SLC41A2: variants seen among roughly 807,000 people sequenced by gnomAD.
SLC41A2 encodes solute carrier family 41 member 2.
In SLC41A2, 32 loss-of-function variants were observed where a neutral mutation model predicts 58.3. The observed-to-expected ratio is 0.55, with a 90% confidence interval of 0.41 to 0.74. The LOEUF is 0.74. Among genes scored for constraint, SLC41A2 ranks in the 30% least tolerant of loss-of-function variants. SLC41A2 has a pLI of 0.00. For synonymous variants in SLC41A2, 190 were observed against 235.0 expected, an observed-to-expected ratio of 0.81 and a Z score of 1.75; for missense variants, 514 against 680.6, an observed-to-expected ratio of 0.76 and a Z score of 2.72.
chr12:104,920,156 A>G (rs1565901811), intron 2 of SLC41A2, among the ~76,000 whole-genome samples: 1 of 152,136 alleles, frequency 6.6e-6, no homozygotes, highest in Non-Finnish European at 1.5e-5. Context: ...TAGGTTGTCC[A>G]TTCTGTGGCA....
chr12:104,932,179 T>G lies in SLC41A2; in HGVS notation c.-167-3485A>C, dbSNP rs190098783. Among the ~76,000 whole-genome samples the G allele has an allele frequency of 9.3e-4, 142 of 152,346 alleles. 2 individuals are homozygous for G. Among genetic ancestry groups the G allele is most frequent in the African/African-American group, 3.3e-3 (139 of 41,578 alleles). On this transcript the variant is annotated intron_variant, in intron 1 of 10. Transcript: ENST00000258538. ...ACAAGGTCTATTATCTCCTTAATGA[T>G]TCCTTAAACTTTCTTCCTTTAACTA...
chr12:104,895,955 G>A (rs2045262322), intron 3 of SLC41A2, among the ~76,000 whole-genome samples: 2 of 152,224 alleles, frequency 1.3e-5, no homozygotes, highest in South Asian at 2.1e-4. Flanking sequence ...ATTGTTCTGT[G>A]AGCTAATTCA....
intron 1 of SLC41A2, among the ~76,000 whole-genome samples, chr12:104,930,860 C>T (rs188289945): frequency 1.1e-3 from 174 of 152,344 alleles, no homozygotes; most frequent in African/African-American, 4.1e-3. Flanking sequence ...ATGTGCAGAA[C>T]GTGGCTAAGC....
chr12:104,914,736 CTG>C (rs2046235890), intron 2 of SLC41A2, among the ~76,000 whole-genome samples: 2 of 152,206 alleles, frequency 1.3e-5, no homozygotes, highest in Admixed American at 1.3e-4. Flanking sequence ...CTACTACTTA[CTG>C]TGTGATTTGG....
At chr12:104,919,863 T>C (rs1201842922) in intron 2 of SLC41A2, among the ~76,000 whole-genome samples, 1 of 152,222 alleles carries the variant, frequency 6.6e-6, no homozygotes, top group Non-Finnish European at 1.5e-5. Context: ...ATGGATCATG[T>C]TTTTGGTGTC....
chr12:104,807,372 T>C (rs1452853142), intron 10 of SLC41A2, among the ~76,000 whole-genome samples: 1 of 152,196 alleles, frequency 6.6e-6, no homozygotes, highest in African/African-American at 2.4e-5. Context: ...GATCAGATAG[T>C]TGTAGATATG....
Position 104,848,951 on chromosome 12 carries a change from C to T in SLC41A2, c.1256-2977G>A, listed in dbSNP as rs556930036. Among the ~76,000 whole-genome samples, 27 of 151,848 alleles carry T rather than the reference C, an allele frequency of 1.8e-4. No individual in the cohort carries two copies. In the South Asian group the frequency reaches 5.6e-3, roughly 32 times the overall value. ...AATCTGACATATGACAAAGGAGGAA[C>T]TGCAAATCAATAAATAGTGCTATCG... On this transcript the variant is annotated intron_variant, in intron 8 of 10. Coordinates refer to ENST00000258538, the MANE Select transcript of SLC41A2 (RefSeq NM_001352171.3).
intron 4 of SLC41A2, among the ~76,000 whole-genome samples, chr12:104,893,623 T>C (rs573549997): frequency 6.6e-6 from 1 of 152,262 alleles, no homozygotes; most frequent in South Asian, 2.1e-4. Flanking sequence ...CATCAACAGA[T>C]GAATGGATAA....
At chr12:104,866,685 A>G (rs991627418) in intron 6 of SLC41A2, 106 bp from the exon 7 acceptor site, 1 of 854,490 alleles carries the variant, frequency 1.2e-6, no homozygotes, top group Non-Finnish European at 1.7e-6. Context: ...ACTATCAAAC[A>G]TATTAACATG....
rs574378113 is a variant in SLC41A2 at position 104,850,396 on chromosome 12, T to C, written c.1256-4422A>G. 9.8e-5 allele frequency among the ~76,000 whole-genome samples: 15 copies of C among 152,312 alleles called. 1 individual carries two copies. The highest frequency in any genetic ancestry group is 6.2e-4 in the South Asian group (3 of 4,826). The stretch of plus-strand genomic sequence containing the variant: ...TAATCTTGGGCATACATAAATATTA[T>C]ACTCAGAAATAAAGATTGAGTAATT... On this transcript the variant is annotated intron_variant, in intron 8 of 10. Transcript: ENST00000258538.
At chr12:104,812,742 G>A (rs1349467234) in intron 10 of SLC41A2, among the ~76,000 whole-genome samples, 1 of 152,062 alleles carries the variant, frequency 6.6e-6, no homozygotes, top group African/African-American at 2.4e-5. Flanking sequence ...AGACCAGGAA[G>A]GTGGAATGCT....
At chr12:104,813,895 CAAAGTGCTGGGATT>C (rs1481868737) in intron 10 of SLC41A2, among the ~76,000 whole-genome samples, 1 of 152,162 alleles carries the variant, frequency 6.6e-6, no homozygotes, top group Non-Finnish European at 1.5e-5. Context: ...CTTGGCCTCC[CAAAGTGCTGGGATT>C]ACAGGCTTGA....
chr12:104,911,204 T>C (rs73191782), intron 2 of SLC41A2, among the ~76,000 whole-genome samples: 1,877 of 152,298 alleles, frequency 0.012, 17 homozygotes, highest in Non-Finnish European at 0.02. Flanking sequence ...CTTACATGTA[T>C]TGATCGATGT....
chr12:104,853,391 T>A (rs1480836982), intron 8 of SLC41A2, among the ~76,000 whole-genome samples: 1 of 152,184 alleles, frequency 6.6e-6, no homozygotes, highest in Non-Finnish European at 1.5e-5. Flanking sequence ...TCTATGTACC[T>A]CTGCATTTTC....
intron 10 of SLC41A2, among the ~76,000 whole-genome samples, chr12:104,817,297 G>A (rs1335679840): frequency 6.6e-6 from 1 of 152,166 alleles, no homozygotes; most frequent in African/African-American, 2.4e-5. Context: ...TGCTTTGGGT[G>A]AGTCAGTGAA....
rs1347737918 is a variant in SLC41A2, at chr12:104,803,820, A to C, written c.*1332T>G. 2 of 152,288 alleles carry C rather than the reference A, an allele frequency of 1.3e-5. No individual in the cohort carries two copies. The highest frequency in any genetic ancestry group is 6.8e-3 in the Middle Eastern group (2 of 294). The allele number at this position is 152,288 out of a possible 1,614,324, so 9.4% of individuals were successfully genotyped here. Reference sequence around the variant, plus strand: ...TACAAATGGATATGTTTAAGCATGAACAATAATTGAGGTAACCCACCAACT... The same window carrying C: ...TACAAATGGATATGTTTAAGCATGACCAATAATTGAGGTAACCCACCAACT... On this transcript the variant is annotated 3_prime_UTR_variant, in exon 11 of 11. Coordinates refer to ENST00000258538, the MANE Select transcript of SLC41A2 (RefSeq NM_001352171.3).
chr12:104,917,161 G>A (rs1411101451), intron 2 of SLC41A2, among the ~76,000 whole-genome samples: 7 of 151,786 alleles, frequency 4.6e-5, no homozygotes, highest in East Asian at 1.9e-4. Context: ...ACAAGTGGGC[G>A]AAGGACATGA....
At chr12:104,836,176 A>T (rs2042201331) in intron 10 of SLC41A2, among the ~76,000 whole-genome samples, 1 of 152,180 alleles carries the variant, frequency 6.6e-6, no homozygotes, top group Admixed American at 6.5e-5. Context: ...AGTGGTTAGG[A>T]ATGTAGACTG....
intron 1 of SLC41A2, among the ~76,000 whole-genome samples, chr12:104,952,095 A>T (rs1303831996): frequency 6.6e-6 from 1 of 152,184 alleles, no homozygotes; most frequent in Non-Finnish European, 1.5e-5. Context: ...CAGTTCTATC[A>T]TTAACATGAT....
Sources: allele counts gnomAD v4.1 joint callset (sites outside exome capture counted in the v4.1 genomes callset), GRCh38; gene constraint gnomAD v4.1.1; transcripts MANE v1.5; gene names NCBI Gene and HGNC (gene_info 2026-07-23, HGNC 2026-07-21).